THTPA: variants seen among roughly 807,000 people sequenced by gnomAD.
THTPA encodes thiamine-triphosphatase.
Under a neutral mutation model 16.5 loss-of-function variants are expected in THTPA, and 16 were observed. The ratio of observed to expected loss-of-function variants is 0.97; its 90% CI spans 0.66 to 1.47. The LOEUF (loss-of-function observed/expected upper bound fraction) is 1.47. Among genes scored for constraint, THTPA ranks in the 40% most tolerant of loss-of-function variants. The pLI is 0.00. For missense variants in THTPA, 281 were observed against 280.9 expected, an observed-to-expected ratio of 1.00 and a Z score of 0.00; for synonymous variants, 110 against 115.5, an observed-to-expected ratio of 0.95 and a Z score of 0.30.
intron 1 of THTPA, 133 bp downstream of exon 1, chr14:23,557,437 T>C: frequency 1.0e-6 from 1 of 1,004,042 alleles, no homozygotes; most frequent in East Asian, 2.7e-5. Flanking sequence ...GGTTTTGCCG[T>C]GTTGCCCAGG....
chr14:23,530,205 TG>T, the THTPA span: 2 of 1,522,684 alleles, frequency 1.3e-6, no homozygotes, highest in Non-Finnish European at 8.8e-7. Context: ...CTGTGTAGGA[TG>T]GGGGGAGAGT....
the THTPA span, chr14:23,534,112 G>T: frequency 3.4e-6 from 5 of 1,486,794 alleles, no homozygotes; most frequent in Non-Finnish European, 4.5e-6. This position sits in a 1 kb window ranked among gnomAD's most constrained non-coding sequence, Gnocchi z 4.5. Context: ...GGAGCCCACT[G>T]GGGCAGGGAG....
At chr14:23,541,487 A>G in the THTPA span, among the ~76,000 whole-genome samples, 3 of 151,690 alleles carry the variant, frequency 2.0e-5, no homozygotes, top group South Asian at 2.1e-4. Context: ...GAGCTTCTCC[A>G]TGTTGGTCAG....
At chr14:23,547,548 A>T in the THTPA span, among the ~76,000 whole-genome samples, 1 of 152,004 alleles carries the variant, frequency 6.6e-6, no homozygotes, top group African/African-American at 2.4e-5. Flanking sequence ...GTTTTCCTCC[A>T]ATTATCACTA....
chr14:23,533,707 T>A, the THTPA span: 1 of 1,543,008 alleles, frequency 6.5e-7, no homozygotes, highest in South Asian at 1.2e-5. This position sits in a 1 kb window ranked among gnomAD's most constrained non-coding sequence, Gnocchi z 4.8. Flanking sequence ...AGGGCCCGCC[T>A]GGAAGCCCTG....
chr14:23,559,534 A>G lies in THTPA; in HGVS notation c.*694A>G, dbSNP rs2139018081. On this transcript the variant is annotated 3_prime_UTR_variant, in exon 2 of 2. Transcript: ENST00000288014. ...GAATGCTCTTCCCTTGCTGTTATTC[A>G]TACACACTTTCCACTTCAAATATAC... 3.5e-6 allele frequency: 2 copies of G among 563,606 alleles called. No individual in the cohort carries two copies. Among genetic ancestry groups the G allele is most frequent in the Non-Finnish European group, 6.4e-6 (2 of 313,106 alleles). The allele number at this position is 563,606 out of a possible 1,614,324, so 34.9% of individuals were successfully genotyped here. A position where few individuals can be genotyped will look rare whatever the true frequency, so the allele number is the denominator to read the frequency against.
the THTPA span, among the ~76,000 whole-genome samples, chr14:23,547,094 G>A: frequency 6.6e-6 from 1 of 152,202 alleles, no homozygotes; most frequent in Admixed American, 6.5e-5. Context: ...TGCTCTGAGA[G>A]TTGTGGTGAG....
chr14:23,512,504 C>A, the THTPA span, among the ~76,000 whole-genome samples: 1 of 151,564 alleles, frequency 6.6e-6, no homozygotes, highest in Admixed American at 6.6e-5. Flanking sequence ...CAGAGAGAAG[C>A]GAGCTCTCCC....
chr14:23,525,263 C>T, the THTPA span: 3 of 1,536,122 alleles, frequency 2.0e-6, no homozygotes, highest in South Asian at 3.6e-5. The surrounding 1 kb of genome is among the most constrained non-coding windows in gnomAD (Gnocchi z 5.9). Context: ...ACGGGTCCCC[C>T]CTGCCTCAGG....
chr14:23,528,188 C>T, the THTPA span, among the ~76,000 whole-genome samples: 2 of 152,182 alleles, frequency 1.3e-5, no homozygotes, highest in African/African-American at 2.4e-5. Context: ...GGATTACAGG[C>T]GTGAGCCACC....
At chr14:23,537,818 T>C in the THTPA span, among the ~76,000 whole-genome samples, 2 of 152,168 alleles carry the variant, frequency 1.3e-5, no homozygotes, top group Non-Finnish European at 2.9e-5. Context: ...GGGTCTGTTA[T>C]TCCATCGTCA....
At chr14:23,521,788 G>A in the THTPA span, 276 of 1,163,756 alleles carry the variant, frequency 2.4e-4, no homozygotes, top group Non-Finnish European at 3.0e-4. Context: ...GGAGGAGGCA[G>A]GACTCTGCTG....
At chr14:23,550,134 GA>G in the THTPA span, among the ~76,000 whole-genome samples, 1 of 152,246 alleles carries the variant, frequency 6.6e-6, no homozygotes, top group African/African-American at 2.4e-5. Context: ...CATGAGACCA[GA>G]AGGTGAGGTT....
At chr14:23,539,020 C>T in the THTPA span, among the ~76,000 whole-genome samples, 6 of 151,960 alleles carry the variant, frequency 3.9e-5, no homozygotes, top group South Asian at 2.1e-4. Flanking sequence ...CAAGGGAGGG[C>T]GGAGAGTTCT....
At chr14:23,524,979 A>G in the THTPA span, 1 of 1,536,188 alleles carries the variant, frequency 6.5e-7, no homozygotes, top group Non-Finnish European at 8.7e-7. This position sits in a 1 kb window ranked among gnomAD's most constrained non-coding sequence, Gnocchi z 5.6. Context: ...CCACCCTCAC[A>G]GGCATTTTTG....
chr14:23,525,495 C>T, the THTPA span: 1 of 1,535,854 alleles, frequency 6.5e-7, no homozygotes, highest in Middle Eastern at 1.7e-4. This position sits in a 1 kb window ranked among gnomAD's most constrained non-coding sequence, Gnocchi z 5.9. Flanking sequence ...CCACAGGCCC[C>T]ACAGGCCAGC....
At chr14:23,550,303 C>T in the THTPA span, among the ~76,000 whole-genome samples, 1 of 152,236 alleles carries the variant, frequency 6.6e-6, no homozygotes, top group Non-Finnish European at 1.5e-5. Flanking sequence ...CCCACTCCTC[C>T]AGGCCCTGAC....
chr14:23,530,424 T>A, the THTPA span: 2 of 685,042 alleles, frequency 2.9e-6, no homozygotes, highest in Non-Finnish European at 5.3e-6. Context: ...TTATTAAGAG[T>A]CCAGTTCCTG....
chr14:23,522,509 G>A, the THTPA span: 2 of 1,531,978 alleles, frequency 1.3e-6, no homozygotes, highest in Admixed American at 3.9e-5. Context: ...CCCAATGAGG[G>A]TCTGAGGTAT....
Sources: allele counts gnomAD v4.1 joint callset (sites outside exome capture counted in the v4.1 genomes callset), GRCh38; gene constraint gnomAD v4.1.1; non-coding constraint Gnocchi (gnomAD v3.1); transcripts MANE v1.5; gene names NCBI Gene and HGNC (gene_info 2026-07-23, HGNC 2026-07-21).